UTRN: variants seen among roughly 807,000 people sequenced by gnomAD.
The protein encoded by UTRN is utrophin.
Under a neutral mutation model 463.9 loss-of-function variants are expected in UTRN, and 283 were observed. The observed-to-expected ratio is 0.61, with a 90% CI of 0.55 to 0.67. UTRN has a LOEUF of 0.67. UTRN is among the 30% of genes least tolerant of loss of function. The probability of loss-of-function intolerance (pLI) is 0.00; values close to 1 mark genes in which losing one functional copy is unlikely to be tolerated. For missense variants in UTRN, 3,922 were observed against 4,084.3 expected (o/e 0.96, Z 1.08); for synonymous variants, 1,442 against 1,431.5 (o/e 1.01, Z -0.17).
chr6:144,539,953 G>C (rs1797848739), intron 45 of UTRN, among the ~76,000 whole-genome samples: 1 of 150,598 alleles, frequency 6.6e-6, no homozygotes, highest in South Asian at 2.1e-4. Context: ...CGAGGCACGA[G>C]AATTGCCTAT....
At chr6:144,517,974 C>A (rs1795773328) in intron 39 of UTRN, among the ~76,000 whole-genome samples, 1 of 152,186 alleles carries the variant, frequency 6.6e-6, no homozygotes, top group East Asian at 1.9e-4. Flanking sequence ...ATTTCTTGTT[C>A]CTCACATATC....
intron 69 of UTRN, among the ~76,000 whole-genome samples, chr6:144,832,096 C>A (rs1780721427): frequency 2.0e-5 from 3 of 152,074 alleles, no homozygotes; most frequent in Admixed American, 2.0e-4. Flanking sequence ...GCAACATTTT[C>A]TATTTTAGCC....
chr6:144,352,654 A>G (rs1778211547), intron 2 of UTRN, among the ~76,000 whole-genome samples: 1 of 152,208 alleles, frequency 6.6e-6, no homozygotes, highest in Non-Finnish European at 1.5e-5. Flanking sequence ...TTGAGATTGC[A>G]TTCTGTATAT....
chr6:144,608,768 C>A (rs1805151677), intron 51 of UTRN, among the ~76,000 whole-genome samples: 1 of 111,078 alleles, frequency 9.0e-6, no homozygotes, highest in South Asian at 4.0e-4. Flanking sequence ...TTATCTCAGA[C>A]ATCCACACAC....
chr6:144,685,039 G>A (rs776717058), intron 52 of UTRN, among the ~76,000 whole-genome samples: 1 of 151,750 alleles, frequency 6.6e-6, no homozygotes, highest in Non-Finnish European at 1.5e-5. Flanking sequence ...TAACCTCCCC[G>A]ACCTCTGAGT....
At chr6:144,757,439 G>T (rs1792126276) in intron 57 of UTRN, among the ~76,000 whole-genome samples, 1 of 151,860 alleles carries the variant, frequency 6.6e-6, no homozygotes, top group South Asian at 2.1e-4. Context: ...AAATGTTATA[G>T]AATTGAATTT....
intron 51 of UTRN, among the ~76,000 whole-genome samples, chr6:144,614,920 T>C (rs1020317412): frequency 1.3e-5 from 2 of 152,148 alleles, no homozygotes; most frequent in Non-Finnish European, 2.9e-5. Context: ...TAGCTTTCAA[T>C]ATATGAACCT....
chr6:144,678,370 A>G, intron 51 of UTRN, 36 bp from the exon 52 acceptor site: 1 of 1,590,022 alleles, frequency 6.3e-7, no homozygotes, highest in East Asian at 2.2e-5. Flanking sequence ...ACTGATTCCT[A>G]ACACTTGCAT....
At position 144,774,811 on chromosome 6, in the gene UTRN, G is replaced by A. The variant is rs564864773; in HGVS notation, c.8632+447G>A. On this transcript the variant is annotated intron_variant, in intron 60 of 74. Transcript: ENST00000367545. ...GGCACCTTAACAAGTGAGATAAAAG[G>A]CTCTATTTTCTTTTAAATATATCTT... 6.6e-5 allele frequency among the ~76,000 whole-genome samples: 10 copies of A among 152,198 alleles called. 1 individual carries two copies. In the South Asian group the frequency reaches 2.1e-3, roughly 32 times the overall value.
chr6:144,692,252 A>T (rs187778663), intron 52 of UTRN, among the ~76,000 whole-genome samples: 4 of 152,202 alleles, frequency 2.6e-5, no homozygotes, highest in Non-Finnish European at 4.4e-5. Flanking sequence ...ATAGTATTCC[A>T]TGGTGTATAT....
At chr6:144,770,575 A>G (rs1793898291) in intron 58 of UTRN, among the ~76,000 whole-genome samples, 1 of 151,968 alleles carries the variant, frequency 6.6e-6, no homozygotes, top group Admixed American at 6.5e-5. Flanking sequence ...AACTCTTTTT[A>G]AATGTAAGGC....
Position 144,424,031 on chromosome 6 carries a change from C to T in UTRN, c.358C>T (p.His120Tyr). ...GGGAACTGACATTGTGGATGGAAAT[C>T]ACAAACTGACTTTGGGGTTACTTTG... ...IGGTDIVDGNHKLTLGLLWSI... is the reference protein window; with the variant it reads ...IGGTDIVDGNYKLTLGLLWSI... The change falls in exon 6 of 75, where the codon CAC becomes TAC. Residue 120 changes from histidine (H) to tyrosine (Y), a missense_variant. This residue lies in a region of UTRN where 264 missense variants were observed against 327.9 expected (regional missense o/e 0.81). Coordinates refer to ENST00000367545, the MANE Select transcript of UTRN (RefSeq NM_007124.3). The T allele has an allele frequency of 6.2e-7, 1 of 1,614,022 alleles. No homozygotes were observed. Among genetic ancestry groups the T allele is most frequent in the East Asian group, 2.2e-5 (1 of 44,896 alleles).
chr6:144,357,268 C>A (rs1778648922), intron 2 of UTRN, among the ~76,000 whole-genome samples: 1 of 152,150 alleles, frequency 6.6e-6, no homozygotes, highest in African/African-American at 2.4e-5. Context: ...CCAAATTCCC[C>A]TCATTTCCGC....
At chr6:144,330,228 T>C (rs865867365) in intron 2 of UTRN, among the ~76,000 whole-genome samples, 2 of 152,286 alleles carry the variant, frequency 1.3e-5, no homozygotes, top group African/African-American at 4.8e-5. Flanking sequence ...ACAGAAAGCC[T>C]GATTGAGGCC....
chr6:144,544,707 A>C (rs1798249800), intron 46 of UTRN, among the ~76,000 whole-genome samples: 1 of 151,946 alleles, frequency 6.6e-6, no homozygotes, highest in African/African-American at 2.4e-5. Flanking sequence ...CAAAAGAAAA[A>C]AAAAACCTTT....
chr6:144,291,751 C>T lies in UTRN; in HGVS notation c.-78C>T. 1.5e-5 allele frequency: 20 copies of T among 1,295,646 alleles called. No homozygotes were observed. Among genetic ancestry groups the T allele is most frequent in the Non-Finnish European group, 2.0e-5 (19 of 937,904 alleles). 80.3% of individuals were successfully genotyped at this position (1,295,646 alleles called of 1,614,324 possible). On this transcript the variant is annotated 5_prime_UTR_variant, in exon 2 of 75. Coordinates refer to ENST00000367545, the MANE Select transcript of UTRN (RefSeq NM_007124.3). Reference sequence around the variant, plus strand: ...TTTCCTTTTAGGTATTGATGTCAAGCTGAACCATCGTAGGAAGTTGAAAGC... The same window carrying T: ...TTTCCTTTTAGGTATTGATGTCAAGTTGAACCATCGTAGGAAGTTGAAAGC...
rs538879326 is a variant in UTRN at position 144,659,215 on chromosome 6, A to G, written c.7480-19191A>G. ...GATCCATTCAAGATTGAGACAATGT[A>G]AAAGATAGAGAACTGACTTTTGGGG... On this transcript the variant is annotated intron_variant, in intron 51 of 74. Coordinates refer to ENST00000367545, the MANE Select transcript of UTRN (RefSeq NM_007124.3). 1.2e-4 allele frequency among the ~76,000 whole-genome samples: 19 copies of G among 152,326 alleles called. No individual in the cohort carries two copies. In the South Asian group the frequency reaches 2.9e-3, roughly 23 times the overall value.
intron 51 of UTRN, among the ~76,000 whole-genome samples, chr6:144,638,058 A>G (rs1777371213): frequency 6.6e-6 from 1 of 152,232 alleles, no homozygotes; most frequent in Admixed American, 6.5e-5. Context: ...GTAGCTCTAG[A>G]TATCAAGATA....
intron 50 of UTRN, among the ~76,000 whole-genome samples, chr6:144,564,963 C>T (rs1050608017): frequency 1.3e-5 from 2 of 152,114 alleles, no homozygotes; most frequent in Non-Finnish European, 2.9e-5. Flanking sequence ...AAAATTTAAT[C>T]TCTCTGGATC....
Sources: gnomAD v4.1 joint callset for allele counts (sites outside exome capture counted in the v4.1 genomes callset) on GRCh38, gnomAD v4.1.1 for gene constraint, gnomAD v4.1.1 regional missense constraint, MANE v1.5 for transcripts, NCBI Gene and HGNC (gene_info 2026-07-23, HGNC 2026-07-21) for gene names.